LIPN: variants seen among roughly 807,000 people sequenced by gnomAD.
The protein encoded by LIPN is lipase member N.
In LIPN, 32 loss-of-function variants were observed where a neutral mutation model predicts 43.7. The observed-to-expected ratio is 0.73, with a 90% CI of 0.55 to 0.98. LIPN has a LOEUF of 0.98. Ranked by LOEUF, LIPN falls within the 50% of genes least tolerant of loss-of-function variation. The pLI, the probability that LIPN is intolerant of heterozygous loss-of-function variation, is 0.00. For missense variants in LIPN, 505 were observed against 483.8 expected (o/e 1.04, Z -0.41); for synonymous variants, 156 against 157.6 (o/e 0.99, Z 0.08).
chr10:88,766,035 C>T lies in LIPN; in HGVS notation c.426-234C>T, dbSNP rs10509554. Among the ~76,000 whole-genome samples the T allele has an allele frequency of 0.26, 39,352 of 151,828 alleles. 5,445 individuals carry two copies. The highest frequency in any genetic ancestry group is 0.3 in the Non-Finnish European group (20,626 of 67,872). Reference sequence around the variant, plus strand: ...GAAGAGGAGGGATCATAAGGTTGAACTTCAAATATCATACACAAGTTTCGA... The same window carrying T: ...GAAGAGGAGGGATCATAAGGTTGAATTTCAAATATCATACACAAGTTTCGA... On this transcript the variant is annotated intron_variant, in intron 4 of 9. Transcript: ENST00000404459.
chr10:88,760,757 T>C (rs1714959172), intron 1 of LIPN, among the ~76,000 whole-genome samples: 1 of 152,140 alleles, frequency 6.6e-6, no homozygotes, highest in South Asian at 2.1e-4. Flanking sequence ...GTGGTGAGGC[T>C]GGATTTCAAA....
chr10:88,763,610 C>A (rs1310886771), intron 3 of LIPN, among the ~76,000 whole-genome samples: 1 of 152,046 alleles, frequency 6.6e-6, no homozygotes, highest in East Asian at 1.9e-4. Flanking sequence ...AAATAGCAAG[C>A]TGACAGACCA....
intron 5 of LIPN, among the ~76,000 whole-genome samples, chr10:88,767,681 A>C (rs1227392538): frequency 1.2e-4 from 12 of 101,854 alleles, no homozygotes; most frequent in African/African-American, 3.5e-4. Flanking sequence ...AAAAAAAAAA[A>C]AAAAAAAAAA....
intron 2 of LIPN, among the ~76,000 whole-genome samples, chr10:88,761,725 ATC>A (rs1197562193): frequency 7.3e-5 from 4 of 54,860 alleles, no homozygotes; most frequent in East Asian, 2.6e-3. Context: ...TGTGCTATCT[ATC>A]TATCTATCTA....
intron 7 of LIPN, among the ~76,000 whole-genome samples, chr10:88,772,122 G>C (rs1843220145): frequency 6.7e-6 from 1 of 149,316 alleles, no homozygotes; most frequent in Admixed American, 6.7e-5. Flanking sequence ...TTTTGCAATT[G>C]AGTTATATGA....
At chr10:88,777,290 T>G (rs2133034160) in intron 9 of LIPN, among the ~76,000 whole-genome samples, 1 of 152,214 alleles carries the variant, frequency 6.6e-6, no homozygotes, top group African/African-American at 2.4e-5. Context: ...TACTCCACCT[T>G]CCACCTCTCT....
In LIPN at chr10:88,768,781, TG is replaced by T. The variant is rs1355019357; in HGVS notation, c.536-10del. 6.2e-7 allele frequency: 1 copy of T among 1,608,430 alleles called. No individual in the cohort carries two copies. Among genetic ancestry groups the T allele is most frequent in the East Asian group, 2.2e-5 (1 of 44,668 alleles). The stretch of plus-strand genomic sequence containing the variant: ...ATTTTTACAAGATTGTCTTATCTCC[TG>T]TTCTCTCAGGGTTTGTAGCCTTTTC... On this transcript the variant is annotated splice_polypyrimidine_tract_variant and intron_variant, in intron 5 of 9. Coordinates refer to ENST00000404459, the MANE Select transcript of LIPN (RefSeq NM_001102469.2).
intron 6 of LIPN, among the ~76,000 whole-genome samples, chr10:88,770,506 G>T (rs1715274599): frequency 6.6e-6 from 1 of 151,654 alleles, no homozygotes; most frequent in South Asian, 2.1e-4. Flanking sequence ...TGGGATTGAG[G>T]GCCTTTATTG....
chr10:88,772,588 T>G (rs1843228518), intron 7 of LIPN, among the ~76,000 whole-genome samples: 1 of 151,958 alleles, frequency 6.6e-6, no homozygotes, highest in African/African-American at 2.4e-5. Flanking sequence ...ATTTGTGGGT[T>G]CTTTATTCTG....
At chr10:88,774,650 G>A in intron 8 of LIPN, 106 bp downstream of exon 8, 1 of 913,292 alleles carries the variant, frequency 1.1e-6, no homozygotes, top group Non-Finnish European at 1.7e-6. Context: ...TTAAGAGCTT[G>A]CTTCCAGTTT....
At chr10:88,772,808 A>G (rs11814368) in intron 7 of LIPN, among the ~76,000 whole-genome samples, 153 of 151,896 alleles carry the variant, frequency 1.0e-3, no homozygotes, top group Non-Finnish European at 1.9e-3. Context: ...TACAACATCA[A>G]CATACAAAAT....
Position 88,770,846 on chromosome 10 carries a change from C to A in LIPN, c.674C>A (p.Ala225Asp). ...FFLLPNSIIK[A>D]VFGTKGFFLE... ...GATAATTATTATTTACTTTCATAGG[C>A]TGTTTTTGGTACCAAAGGTTTCTTT... Residue 225 changes from alanine (A) to aspartate (D), a missense_variant and splice_region_variant, in exon 7 of 10, where the codon GCT becomes GAT. Physicochemically the swap from Ala to Asp is moderately radical, Grantham distance 126 (BLOSUM62 -2). Transcript: ENST00000404459. 1 of 1,486,720 alleles carries A rather than the reference C, an allele frequency of 6.7e-7. No homozygotes were observed. The highest frequency in any genetic ancestry group is 9.1e-7 in the Non-Finnish European group (1 of 1,096,648). 92.1% of individuals were successfully genotyped at this position (1,486,720 alleles called of 1,614,324 possible). A position where few individuals can be genotyped will look rare whatever the true frequency, so the allele number is the denominator to read the frequency against.
chr10:88,767,458 G>A (rs1280495173), intron 5 of LIPN, among the ~76,000 whole-genome samples: 6 of 151,342 alleles, frequency 4.0e-5, no homozygotes, highest in East Asian at 1.9e-4. Context: ...AAAACAACCC[G>A]AATGTTATTA....
chr10:88,760,260 T>C (rs1842976471), intron 1 of LIPN, among the ~76,000 whole-genome samples, 154 bp downstream of exon 1: 2 of 152,062 alleles, frequency 1.3e-5, no homozygotes, highest in East Asian at 3.9e-4. Context: ...CTTAAATCTC[T>C]CTAAGCCTTT....
At chr10:88,774,771 A>G (rs1360880483) in intron 8 of LIPN, among the ~76,000 whole-genome samples, 3 of 151,970 alleles carry the variant, frequency 2.0e-5, no homozygotes, top group Non-Finnish European at 2.9e-5. Flanking sequence ...TCAGAGTTTT[A>G]AAAATAGGCC....
chr10:88,777,859 T>C, intron 9 of LIPN, 150 bp from the exon 10 acceptor site: 1 of 527,150 alleles, frequency 1.9e-6, no homozygotes, highest in Non-Finnish European at 3.4e-6. Flanking sequence ...TTTTGCAAAT[T>C]TCTTAAAGGT....
upstream of LIPN, among the ~76,000 whole-genome samples, chr10:88,757,817 A>G (rs1471386821): frequency 6.6e-6 from 1 of 152,140 alleles, no homozygotes; most frequent in African/African-American, 2.4e-5. Flanking sequence ...ATATAGACTT[A>G]TGGACACTTA....
Position 88,761,328 on chromosome 10 carries a change from AATC to A in LIPN, c.-8-67_-8-65del, listed in dbSNP as rs1008331716. 6 of 917,034 alleles carry A rather than the reference AATC, an allele frequency of 6.5e-6. No individual in the cohort carries two copies. In the African/African-American group the frequency reaches 6.6e-5, roughly 10 times the overall value. 56.8% of individuals were successfully genotyped at this position (917,034 alleles called of 1,614,324 possible). A position where few individuals can be genotyped will look rare whatever the true frequency, so the allele number is the denominator to read the frequency against. ...TTCATTAATCATTAATAATTTCACT[AATC>A]ATTTTATTTCATTAATCAACATTGA... On this transcript the variant is annotated intron_variant, in intron 1 of 9. Coordinates refer to ENST00000404459, the MANE Select transcript of LIPN (RefSeq NM_001102469.2).
At chr10:88,763,254 A>T (rs1392539106) in intron 3 of LIPN, among the ~76,000 whole-genome samples, 1 of 152,076 alleles carries the variant, frequency 6.6e-6, no homozygotes, top group Non-Finnish European at 1.5e-5. Context: ...CTAAAAAGTC[A>T]TTATTTATTC....
Sources: gnomAD v4.1 joint callset for allele counts (sites outside exome capture counted in the v4.1 genomes callset) on GRCh38, gnomAD v4.1.1 for gene constraint, MANE v1.5 for transcripts, NCBI Gene and HGNC (gene_info 2026-07-23, HGNC 2026-07-21) for gene names.